CELF2: variants seen among roughly 807,000 people sequenced by gnomAD.
CELF2 encodes the protein CUG triplet repeat RNA-binding protein 2.
A neutral mutation model predicts 62.6 loss-of-function variants in CELF2; 8 were observed. The ratio of observed to expected loss-of-function variants is 0.13; its 90% CI spans 0.07 to 0.23. The LOEUF (loss-of-function observed/expected upper bound fraction) is 0.23. Among genes scored for constraint, CELF2 ranks in the 10% least tolerant of loss-of-function variants. The probability of loss-of-function intolerance (pLI) is 1.00; values close to 1 mark genes in which losing one functional copy is unlikely to be tolerated. For synonymous variants in CELF2, 258 were observed against 250.0 expected (o/e 1.03, Z -0.30); for missense variants, 333 against 671.0 (o/e 0.50, Z 5.56).
rs111479096 is a variant in CELF2, at chr10:11,306,756, A to G, written c.977-7383A>G. 4.0e-4 allele frequency among the ~76,000 whole-genome samples: 61 copies of G among 152,036 alleles called. No homozygotes were observed. Among genetic ancestry groups the G allele is most frequent in the African/African-American group, 1.5e-3 (61 of 41,412 alleles). The stretch of plus-strand genomic sequence containing the variant: ...TTGATTCTTCTCCCTCCTTTTCTTC[A>G]CCGTCTCCCCAACTTTCTACTGGGA... On this transcript the variant is annotated intron_variant, in intron 9 of 12. Transcript: ENST00000633077. This position sits in a 1 kb window ranked among gnomAD's most constrained non-coding sequence, Gnocchi z 4.4.
At chr10:10,554,420 A>C in the CELF2 span, among the ~76,000 whole-genome samples, 1 of 151,828 alleles carries the variant, frequency 6.6e-6, no homozygotes, top group Non-Finnish European at 1.5e-5. Flanking sequence ...ACAGAGGTTG[A>C]CCCCTGCCAT....
At chr10:10,719,838 C>G in the CELF2 span, among the ~76,000 whole-genome samples, 1 of 152,166 alleles carries the variant, frequency 6.6e-6, no homozygotes, top group Admixed American at 6.5e-5. Flanking sequence ...AAGCACTCAG[C>G]AAATGTTAGC....
At chr10:11,236,951 C>T (rs2071595414) in intron 3 of CELF2, among the ~76,000 whole-genome samples, 1 of 152,150 alleles carries the variant, frequency 6.6e-6, no homozygotes, top group Non-Finnish European at 1.5e-5. Context: ...AGGGTCAAAG[C>T]ATGGAATTCC....
chr10:11,093,386 T>C (rs920395228), intron 1 of CELF2, among the ~76,000 whole-genome samples: 5 of 152,230 alleles, frequency 3.3e-5, no homozygotes, highest in Admixed American at 6.5e-5. Context: ...AAGGGTATTG[T>C]GAAATTTAAA....
intron 1 of CELF2, among the ~76,000 whole-genome samples, chr10:11,068,081 T>A (rs918678199): frequency 6.6e-6 from 1 of 152,184 alleles, no homozygotes; most frequent in Non-Finnish European, 1.5e-5. Flanking sequence ...TTATTTCACA[T>A]AGTGTGGAGA....
intron 10 of CELF2, chr10:11,320,873 G>A (rs1006355931): frequency 1.3e-6 from 2 of 1,544,564 alleles, no homozygotes; most frequent in East Asian, 2.4e-5. Flanking sequence ...GAAGCAAAAG[G>A]CTTTTACTTC....
chr10:10,655,349 T>A, the CELF2 span, among the ~76,000 whole-genome samples: 1 of 116,762 alleles, frequency 8.6e-6, no homozygotes, highest in Non-Finnish European at 1.9e-5. Flanking sequence ...AATGACTTTC[T>A]TCACAGAATT....
the CELF2 span, among the ~76,000 whole-genome samples, chr10:10,782,419 C>G: frequency 6.6e-6 from 1 of 152,186 alleles, no homozygotes; most frequent in African/African-American, 2.4e-5. Context: ...CTTCCTCTGC[C>G]TTTCTGTTCT....
At chr10:10,507,231 T>G in the CELF2 span, among the ~76,000 whole-genome samples, 1 of 152,120 alleles carries the variant, frequency 6.6e-6, no homozygotes, top group Non-Finnish European at 1.5e-5. Flanking sequence ...ACTTCCTGAT[T>G]CTATGGAACT....
At chr10:11,064,406 T>C (rs1277340778) in intron 1 of CELF2, among the ~76,000 whole-genome samples, 1 of 152,230 alleles carries the variant, frequency 6.6e-6, no homozygotes, top group Non-Finnish European at 1.5e-5. Context: ...TTGCCTATTA[T>C]GATGAAAGAA....
intron 2 of CELF2, among the ~76,000 whole-genome samples, chr10:11,186,598 T>C (rs554165026): frequency 1.3e-5 from 2 of 152,344 alleles, no homozygotes; most frequent in Non-Finnish European, 2.9e-5. Context: ...ATTCAGAATG[T>C]GTCATTTAGT....
At chr10:10,640,000 T>G in the CELF2 span, among the ~76,000 whole-genome samples, 1 of 152,220 alleles carries the variant, frequency 6.6e-6, no homozygotes, top group Non-Finnish European at 1.5e-5. Flanking sequence ...ATACTACCTG[T>G]TGACAAAAGC....
chr10:10,919,888 T>A (rs2064725565), intron 1 of CELF2: 1 of 966,680 alleles, frequency 1.0e-6, no homozygotes. Context: ...TAATACTTAT[T>A]ATGTGATTAA....
the CELF2 span, among the ~76,000 whole-genome samples, chr10:10,526,424 C>G: frequency 6.6e-6 from 1 of 152,220 alleles, no homozygotes; most frequent in Admixed American, 6.5e-5. Flanking sequence ...TTTCTGGTGA[C>G]TACTCAGCTT....
the CELF2 span, among the ~76,000 whole-genome samples, chr10:10,751,741 GA>G: frequency 1.3e-5 from 2 of 151,666 alleles, no homozygotes; most frequent in Non-Finnish European, 2.9e-5. Flanking sequence ...ACTGCTTTGG[GA>G]AAAAAAATAA....
At chr10:10,935,473 G>C (rs2066526329) in intron 2 of CELF2, 1 of 152,170 alleles carries the variant, frequency 6.6e-6, no homozygotes, top group Non-Finnish European at 1.5e-5. Context: ...GGCATAACAG[G>C]TAAGGGAAAA....
intron 2 of CELF2, chr10:11,169,018 G>T (rs1202372903): frequency 6.6e-6 from 1 of 152,184 alleles, no homozygotes; most frequent in Non-Finnish European, 1.5e-5. Flanking sequence ...TGAAATTGGA[G>T]AACCCTAAAT....
At chr10:10,916,863 T>A (rs2064381892) in intron 1 of CELF2, among the ~76,000 whole-genome samples, 1 of 152,086 alleles carries the variant, frequency 6.6e-6, no homozygotes, top group Non-Finnish European at 1.5e-5. Flanking sequence ...TCCACCTGCC[T>A]CTGCCTCCCA....
At chr10:10,501,645 T>C in the CELF2 span, among the ~76,000 whole-genome samples, 1 of 152,322 alleles carries the variant, frequency 6.6e-6, no homozygotes, top group Admixed American at 6.5e-5. Flanking sequence ...ATTTATCTTG[T>C]ATCCTGCAAC....
Sources: gnomAD v4.1 joint callset for allele counts (sites outside exome capture counted in the v4.1 genomes callset) on GRCh38, gnomAD v4.1.1 for gene constraint, Gnocchi (gnomAD v3.1) non-coding constraint, MANE v1.5 for transcripts, NCBI Gene and HGNC (gene_info 2026-07-23, HGNC 2026-07-21) for gene names.